C1GALT1: variants seen among roughly 807,000 people sequenced by gnomAD.
The protein encoded by C1GALT1 is glycoprotein-N-acetylgalactosamine 3-beta-galactosyltransferase 1.
In C1GALT1, 11 loss-of-function variants were observed where a neutral mutation model predicts 31.0. The ratio of observed to expected loss-of-function variants is 0.36; its 90% confidence interval spans 0.22 to 0.59. C1GALT1 has a LOEUF of 0.59. Ranked by LOEUF, C1GALT1 falls within the 20% of genes least tolerant of loss-of-function variation. The pLI is 0.79. For missense variants in C1GALT1, 424 were observed against 425.2 expected, an observed-to-expected ratio of 1.00 and a Z score of 0.03; for synonymous variants, 175 against 143.6, an observed-to-expected ratio of 1.22 and a Z score of -1.56.
chr7:7,242,965 G>A (rs1219559829), intron 3 of C1GALT1, among the ~76,000 whole-genome samples: 1 of 152,098 alleles, frequency 6.6e-6, no homozygotes. Flanking sequence ...ACTCAAGGTC[G>A]TATACTAGCC....
At chr7:7,236,790 C>G (rs1783377060) in intron 2 of C1GALT1, among the ~76,000 whole-genome samples, 1 of 152,146 alleles carries the variant, frequency 6.6e-6, no homozygotes. Context: ...TCCCAAAGTG[C>G]TGGGATTACA....
intron 2 of C1GALT1, chr7:7,235,079 A>G (rs1229951113): frequency 6.6e-6 from 1 of 152,332 alleles, no homozygotes; most frequent in Non-Finnish European, 1.5e-5. Context: ...TGAGTTATTT[A>G]TGTGTCCCTT....
intron 2 of C1GALT1, among the ~76,000 whole-genome samples, chr7:7,158,687 T>C (rs1269936506): frequency 6.6e-6 from 1 of 151,656 alleles, no homozygotes; most frequent in Non-Finnish European, 1.5e-5. Context: ...ATATATTTCA[T>C]CTATAATTTT....
Position 7,186,121 on chromosome 7 carries a change from G to A in C1GALT1, c.-18+3301G>A, listed in dbSNP as rs999431867. On this transcript the variant is annotated intron_variant, in intron 1 of 3. Transcript: ENST00000436587. ...AGCACAGGGCACCACATGGTGAGGG[G>A]GCCGAGCATGCTAGCCCAGAACTCT... Among the ~76,000 whole-genome samples the A allele has an allele frequency of 1.1e-4, 16 of 150,926 alleles. No homozygotes were observed. In the East Asian group the frequency reaches 3.2e-3, roughly 30 times the overall value.
upstream of C1GALT1, among the ~76,000 whole-genome samples, chr7:7,181,693 T>G (rs1198195400): frequency 6.6e-6 from 1 of 152,198 alleles, no homozygotes; most frequent in East Asian, 1.9e-4. Flanking sequence ...GAGCCCATAC[T>G]CTTTAACAAC....
intron 2 of C1GALT1, among the ~76,000 whole-genome samples, chr7:7,162,931 T>C (rs1213748736): frequency 1.3e-5 from 2 of 152,208 alleles, no homozygotes; most frequent in Non-Finnish European, 2.9e-5. Context: ...GAAGTGTCTG[T>C]TCATGTCCTT....
Position 7,238,998 on chromosome 7 carries a change from G to T in C1GALT1, c.888+76G>T. 1 of 1,201,066 alleles carries T rather than the reference G, an allele frequency of 8.3e-7. No individual in the cohort carries two copies. Among genetic ancestry groups the T allele is most frequent in the South Asian group, 1.5e-5 (1 of 66,784 alleles). The allele number at this position is 1,201,066 out of a possible 1,614,324, so 74.4% of individuals were successfully genotyped here. A position where few individuals can be genotyped will look rare whatever the true frequency, so the allele number is the denominator to read the frequency against. Reference sequence around the variant, plus strand: ...TGTTGATAAAAACATGTTAATATGTGTATGTTTCTTTAGTACCAACAACAA... The same window carrying T: ...TGTTGATAAAAACATGTTAATATGTTTATGTTTCTTTAGTACCAACAACAA... On this transcript the variant is annotated intron_variant, in intron 3 of 3. Coordinates refer to ENST00000436587, the MANE Select transcript of C1GALT1 (RefSeq NM_020156.5). The surrounding 1 kb of genome is among the most constrained non-coding windows in gnomAD (Gnocchi z 5.2).
At chr7:7,191,690 A>C (rs1417558254) in intron 1 of C1GALT1, among the ~76,000 whole-genome samples, 1 of 152,124 alleles carries the variant, frequency 6.6e-6, no homozygotes, top group African/African-American at 2.4e-5. Flanking sequence ...ATAAGGTAGC[A>C]TCTCATTGTA....
chr7:7,215,642 C>G (rs577800734), intron 1 of C1GALT1, among the ~76,000 whole-genome samples: 1 of 152,270 alleles, frequency 6.6e-6, no homozygotes, highest in East Asian at 1.9e-4. Flanking sequence ...GCCTCTCTTC[C>G]TATTGGGAAT....
intron 1 of C1GALT1, among the ~76,000 whole-genome samples, chr7:7,227,612 T>C (rs1428751955): frequency 2.7e-5 from 4 of 149,664 alleles, no homozygotes; most frequent in Non-Finnish European, 4.5e-5. Flanking sequence ...CCCAGCTACT[T>C]GGGAGGCTGA....
chr7:7,184,615 C>T (rs1182521694), intron 1 of C1GALT1, among the ~76,000 whole-genome samples: 1 of 152,148 alleles, frequency 6.6e-6, no homozygotes, highest in Non-Finnish European at 1.5e-5. Context: ...TTGCATTATG[C>T]AGTTTAACAT....
chr7:7,221,824 C>G (rs1183669195), intron 1 of C1GALT1, among the ~76,000 whole-genome samples: 1 of 152,192 alleles, frequency 6.6e-6, no homozygotes, highest in Non-Finnish European at 1.5e-5. Flanking sequence ...GCTCCTAAGG[C>G]TTGTTGCAAG....
In C1GALT1 at chr7:7,238,550, G is replaced by T. The variant is rs138478625; in HGVS notation, c.516G>T (p.Thr172=). The T allele has an allele frequency of 1.9e-6, 3 of 1,613,934 alleles. No individual in the cohort carries two copies. The African/African-American group carries it at 4.0e-5, about 22-fold the overall frequency. ...GGTTTTTGAAAGCAGATGATGACAC[G>T]TATGTCATACTAGACAATTTGAGGT... ...ADWFLKADDD[T]YVILDNLRWL... The change falls in exon 3 of 4, where the codon ACG becomes ACT. Residue 172 remains threonine (T), a synonymous_variant. Coordinates refer to ENST00000436587, the MANE Select transcript of C1GALT1 (RefSeq NM_020156.5). This position sits in a 1 kb window ranked among gnomAD's most constrained non-coding sequence, Gnocchi z 5.2.
chr7:7,219,010 T>A (rs113725699), intron 1 of C1GALT1, among the ~76,000 whole-genome samples: 4,457 of 142,888 alleles, frequency 0.031, 229 homozygotes, highest in African/African-American at 0.1. Flanking sequence ...ATTTTTTGTA[T>A]TTTTTTTTAG....
chr7:7,186,825 C>T (rs550970301), intron 1 of C1GALT1, among the ~76,000 whole-genome samples: 2 of 152,128 alleles, frequency 1.3e-5, no homozygotes, highest in African/African-American at 4.8e-5. Context: ...CATTTTTGAC[C>T]TACAAAAACA....
chr7:7,169,573 T>C (rs1257300939), intron 2 of C1GALT1, among the ~76,000 whole-genome samples: 1 of 152,128 alleles, frequency 6.6e-6, no homozygotes, highest in Non-Finnish European at 1.5e-5. Flanking sequence ...ACAGCTATCC[T>C]AGTAAGTGTG....
chr7:7,184,274 A>C (rs1452542445), intron 1 of C1GALT1, among the ~76,000 whole-genome samples: 1 of 152,234 alleles, frequency 6.6e-6, no homozygotes, highest in Non-Finnish European at 1.5e-5. Flanking sequence ...CTCATTTAAA[A>C]TTCTTCATAA....
chr7:7,194,893 T>C (rs919348930), intron 1 of C1GALT1, among the ~76,000 whole-genome samples: 1 of 152,134 alleles, frequency 6.6e-6, no homozygotes, highest in Non-Finnish European at 1.5e-5. Flanking sequence ...CTTCCTGGTT[T>C]AATCTAGGAG....
At chr7:7,159,927 C>G (rs1050529753) in intron 2 of C1GALT1, among the ~76,000 whole-genome samples, 5 of 152,108 alleles carry the variant, frequency 3.3e-5, no homozygotes, top group African/African-American at 1.2e-4. Context: ...GCTTGGTAAA[C>G]TGGAGCACAG....
Sources: gnomAD v4.1 joint callset for allele counts (sites outside exome capture counted in the v4.1 genomes callset) on GRCh38, gnomAD v4.1.1 for gene constraint, Gnocchi (gnomAD v3.1) non-coding constraint, MANE v1.5 for transcripts, NCBI Gene and HGNC (gene_info 2026-07-23, HGNC 2026-07-21) for gene names.